Variants in HYAL4 observed in about 807,000 individuals in gnomAD.
HYAL4 encodes hyaluronidase-4.
In HYAL4, 37 loss-of-function variants were observed where a neutral mutation model predicts 35.2. The ratio of observed to expected loss-of-function variants is 1.05; its 90% confidence interval spans 0.81 to 1.38. The LOEUF is 1.38. HYAL4 is among the 40% of genes most tolerant of loss of function. The pLI, the probability that HYAL4 is intolerant of heterozygous loss-of-function variation, is 0.00. For synonymous variants in HYAL4, 198 were observed against 203.2 expected, an observed-to-expected ratio of 0.97 and a Z score of 0.22; for missense variants, 572 against 572.4, an observed-to-expected ratio of 1.00 and a Z score of 0.01.
At chr7:123,826,736 A>G (rs1805806484), upstream of HYAL4, among the ~76,000 whole-genome samples, 1 of 152,080 alleles carries the variant, frequency 6.6e-6, no homozygotes, top group Non-Finnish European at 1.5e-5. Context: ...TGCTCACTGT[A>G]TTTAGAACAG....
chr7:123,830,484 T>C (rs1021200831), intron 1 of HYAL4, among the ~76,000 whole-genome samples: 5 of 152,218 alleles, frequency 3.3e-5, no homozygotes, highest in Non-Finnish European at 7.3e-5. Flanking sequence ...AATGACACTT[T>C]TGTCTACTCT....
intron 1 of HYAL4, among the ~76,000 whole-genome samples, chr7:123,834,395 T>C (rs1805930599): frequency 6.6e-6 from 1 of 152,184 alleles, no homozygotes; most frequent in Admixed American, 6.5e-5. Context: ...TTGGTTGCTG[T>C]TGGTTTATAG....
upstream of HYAL4, among the ~76,000 whole-genome samples, chr7:123,828,121 T>C (rs1160137474): frequency 6.6e-6 from 1 of 152,138 alleles, no homozygotes; most frequent in African/African-American, 2.4e-5. Flanking sequence ...AATGGTAGAC[T>C]TGTGGGAAGA....
chr7:123,808,179 T>G, the HYAL4 span, among the ~76,000 whole-genome samples: 17,125 of 151,992 alleles, frequency 0.11, 1,097 homozygotes, highest in Non-Finnish European at 0.14. Flanking sequence ...ATGGTATATA[T>G]GTAAACCTTT....
the HYAL4 span, among the ~76,000 whole-genome samples, chr7:123,783,313 A>G: frequency 3.2e-4 from 49 of 152,280 alleles, no homozygotes; most frequent in African/African-American, 1.2e-3. Context: ...TTTTTTCCCT[A>G]ATTTTTATTG....
the HYAL4 span, among the ~76,000 whole-genome samples, chr7:123,821,828 G>A: frequency 2.0e-5 from 3 of 152,082 alleles, no homozygotes; most frequent in South Asian, 2.1e-4. Flanking sequence ...TTTGTGTGTG[G>A]TATAAGATAG....
the HYAL4 span, among the ~76,000 whole-genome samples, chr7:123,802,769 A>G: frequency 1.3e-5 from 2 of 152,232 alleles, no homozygotes; most frequent in Non-Finnish European, 2.9e-5. Context: ...GCTTATAAAA[A>G]TAAGATGGCT....
intron 1 of HYAL4, among the ~76,000 whole-genome samples, chr7:123,838,759 C>T (rs902663500): frequency 1.3e-5 from 2 of 151,950 alleles, no homozygotes; most frequent in African/African-American, 2.4e-5. Context: ...TCTCTTTGTC[C>T]TCAGGAATAC....
the HYAL4 span, among the ~76,000 whole-genome samples, chr7:123,821,109 A>G: frequency 3.3e-5 from 5 of 152,200 alleles, no homozygotes; most frequent in East Asian, 7.7e-4. Flanking sequence ...TGCAATATAC[A>G]TGGGAATGCA....
chr7:123,836,802 G>A (rs1017154080), intron 1 of HYAL4, among the ~76,000 whole-genome samples: 13 of 152,254 alleles, frequency 8.5e-5, no homozygotes, highest in Non-Finnish European at 1.8e-4. Flanking sequence ...GCCAAGGCAG[G>A]TGGATCACTT....
chr7:123,808,370 G>GGA, the HYAL4 span, among the ~76,000 whole-genome samples: 2 of 151,214 alleles, frequency 1.3e-5, no homozygotes, highest in East Asian at 2.0e-4. Flanking sequence ...ATAGAAATGT[G>GGA]TACACACACA....
the HYAL4 span, among the ~76,000 whole-genome samples, chr7:123,802,485 A>G: frequency 1.3e-5 from 2 of 152,200 alleles, no homozygotes. Context: ...CAGTGCTTGT[A>G]TTAGACAACA....
chr7:123,789,857 G>C, the HYAL4 span, among the ~76,000 whole-genome samples: 2 of 152,030 alleles, frequency 1.3e-5, no homozygotes. Context: ...CTATTTGTTG[G>C]ACAGAGAGAT....
chr7:123,869,160 A>G lies in HYAL4; in HGVS notation c.887A>G (p.Tyr296Cys). The change falls in exon 3 of 5, where the codon TAT becomes TGT. Residue 296 changes from tyrosine (Y) to cysteine (C), a missense_variant. Transcript: ENST00000223026. ...ATCTCCACCATGACATCTCATGATT[A>G]TGCTCTGCCTGTATTTGTCTACACA... ...MRISTMTSHD[Y>C]ALPVFVYTRL... 6.2e-7 allele frequency: 1 copy of G among 1,614,142 alleles called. No individual in the cohort carries two copies. The highest frequency in any genetic ancestry group is 1.7e-5 in the Admixed American group (1 of 60,026).
rs2116973590 is a variant in HYAL4, at chr7:123,877,334, A to T, written c.*179A>T. The T allele has an allele frequency of 1.6e-6, 1 of 613,810 alleles. No individual in the cohort carries two copies. The highest frequency in any genetic ancestry group is 2.8e-5 in the East Asian group (1 of 35,442). The allele number at this position is 613,810 out of a possible 1,614,324, so 38.0% of individuals were successfully genotyped here. A position where few individuals can be genotyped will look rare whatever the true frequency, so the allele number is the denominator to read the frequency against. On this transcript the variant is annotated 3_prime_UTR_variant, in exon 5 of 5. Coordinates refer to ENST00000223026, the MANE Select transcript of HYAL4 (RefSeq NM_012269.3). ...TATTTGCCTCCAGTCTGGCTAGGAAACCAGATCTGGGGTAAAGTCAATGTA... is the reference window on the plus strand; with the variant it reads ...TATTTGCCTCCAGTCTGGCTAGGAATCCAGATCTGGGGTAAAGTCAATGTA...
chr7:123,772,752 T>C, the HYAL4 span, among the ~76,000 whole-genome samples: 23 of 152,264 alleles, frequency 1.5e-4, no homozygotes, highest in African/African-American at 4.6e-4. Flanking sequence ...TATAGAAAAT[T>C]GTCTTAAAGC....
At chr7:123,855,856 T>G (rs1008358258) in intron 2 of HYAL4, among the ~76,000 whole-genome samples, 1 of 152,136 alleles carries the variant, frequency 6.6e-6, no homozygotes, top group Non-Finnish European at 1.5e-5. Context: ...AGGTTTGGTC[T>G]TTTCACATAG....
the HYAL4 span, among the ~76,000 whole-genome samples, chr7:123,781,794 T>C: frequency 6.6e-5 from 10 of 152,364 alleles, no homozygotes; most frequent in African/African-American, 2.2e-4. Context: ...TTCTACCTGT[T>C]ATTAAACAAA....
At position 123,868,218 on chromosome 7, in the gene HYAL4, C is replaced by T. The variant is rs1806745743; in HGVS notation, c.-51-5C>T. 2 of 887,854 alleles carry T rather than the reference C, an allele frequency of 2.3e-6. No homozygotes were observed. Among genetic ancestry groups the T allele is most frequent in the Non-Finnish European group, 1.7e-6 (1 of 603,056 alleles). 55.0% of individuals were successfully genotyped at this position (887,854 alleles called of 1,614,324 possible). A position where few individuals can be genotyped will look rare whatever the true frequency, so the allele number is the denominator to read the frequency against. ...TGACTAACAGAAAATTAAATCTCTC[C>T]ACAGGTCTTCTAGAGTGCACTAAAG... On this transcript the variant is annotated splice_polypyrimidine_tract_variant and splice_region_variant and intron_variant, in intron 2 of 4. Coordinates refer to ENST00000223026, the MANE Select transcript of HYAL4 (RefSeq NM_012269.3).
Sources: gnomAD v4.1 joint callset for allele counts (sites outside exome capture counted in the v4.1 genomes callset) on GRCh38, gnomAD v4.1.1 for gene constraint, MANE v1.5 for transcripts, NCBI Gene and HGNC (gene_info 2026-07-23, HGNC 2026-07-21) for gene names.